The following TAX1BP1 variants were observed in gnomAD, a reference collection of about 807,000 sequenced individuals.
TAX1BP1 encodes the protein tax1-binding protein 1.
TAX1BP1 carries 62 observed loss-of-function variants against 97.7 expected under a neutral mutation model. The ratio of observed to expected loss-of-function variants is 0.63; its 90% confidence interval spans 0.52 to 0.78. The LOEUF is 0.78. Among genes scored for constraint, TAX1BP1 ranks in the 30% least tolerant of loss-of-function variants. TAX1BP1 has a pLI of 0.00. For synonymous variants in TAX1BP1, 340 were observed against 304.2 expected, an observed-to-expected ratio of 1.12 and a Z score of -1.23; for missense variants, 867 against 916.1, an observed-to-expected ratio of 0.95 and a Z score of 0.69.
rs777009021 is a variant in TAX1BP1 at position 27,794,476 on chromosome 7, G to T, written c.1534+30G>T. The T allele has an allele frequency of 8.3e-6, 13 of 1,568,682 alleles. No homozygotes were observed. The African/African-American group carries it at 1.4e-4, about 16-fold the overall frequency. On this transcript the variant is annotated intron_variant, in intron 11 of 16. Transcript: ENST00000396319. ...AAATCTTTTAGACTTTTTGTGTAGGGTGTCCTACATTGAAAAGTACTTATA... is the reference window on the plus strand; with the variant it reads ...AAATCTTTTAGACTTTTTGTGTAGGTTGTCCTACATTGAAAAGTACTTATA...
chr7:27,817,303 T>A (rs1038969040), intron 15 of TAX1BP1, among the ~76,000 whole-genome samples: 1 of 152,196 alleles, frequency 6.6e-6, no homozygotes, highest in South Asian at 2.1e-4. Flanking sequence ...TAGAGAATAA[T>A]CTCAGAATAT....
At chr7:27,782,545 G>C (rs560295516) in intron 5 of TAX1BP1, among the ~76,000 whole-genome samples, 1 of 151,930 alleles carries the variant, frequency 6.6e-6, no homozygotes, top group African/African-American at 2.4e-5. Context: ...CTGCCACACC[G>C]GCCAAATATT....
intron 15 of TAX1BP1, among the ~76,000 whole-genome samples, chr7:27,827,397 G>A (rs1212431623): frequency 1.3e-5 from 2 of 151,516 alleles, no homozygotes; most frequent in African/African-American, 4.8e-5. Context: ...TCTGCAGAAT[G>A]ATAAAGTCAG....
intron 13 of TAX1BP1, among the ~76,000 whole-genome samples, chr7:27,810,078 T>C (rs1476016426): frequency 1.3e-5 from 2 of 152,034 alleles, no homozygotes; most frequent in Admixed American, 6.5e-5. Flanking sequence ...TGGCTAATTT[T>C]TTATATTTTT....
intron 5 of TAX1BP1, among the ~76,000 whole-genome samples, chr7:27,770,499 C>T (rs1213717899): frequency 6.6e-6 from 1 of 152,112 alleles, no homozygotes; most frequent in East Asian, 1.9e-4. Context: ...AGACTGTGAT[C>T]TTATATATTA....
intron 2 of TAX1BP1, among the ~76,000 whole-genome samples, chr7:27,754,615 G>A (rs1035221715): frequency 3.3e-5 from 5 of 151,788 alleles, no homozygotes; most frequent in African/African-American, 9.7e-5. Context: ...CTCTATCGCC[G>A]AGGCTGGAGT....
At chr7:27,827,520 ACTG>A (rs1475239192) in intron 15 of TAX1BP1, among the ~76,000 whole-genome samples, 1 of 152,234 alleles carries the variant, frequency 6.6e-6, no homozygotes, top group Non-Finnish European at 1.5e-5. Flanking sequence ...TCCTCTGAAT[ACTG>A]CTTTTTATTT....
At chr7:27,788,391 T>A (rs1789572287) in intron 8 of TAX1BP1, among the ~76,000 whole-genome samples, 1 of 152,100 alleles carries the variant, frequency 6.6e-6, no homozygotes, top group African/African-American at 2.4e-5. Context: ...AAGCAATCTG[T>A]ATAAACACCC....
chr7:27,813,474 G>T (rs1347559395), intron 13 of TAX1BP1, among the ~76,000 whole-genome samples: 1 of 151,638 alleles, frequency 6.6e-6, no homozygotes, highest in Non-Finnish European at 1.5e-5. Context: ...CCCACCTCAG[G>T]TTTCTGAGCA....
chr7:27,788,657 C>T (rs1789582873), intron 8 of TAX1BP1, among the ~76,000 whole-genome samples: 1 of 151,896 alleles, frequency 6.6e-6, no homozygotes, highest in Non-Finnish European at 1.5e-5. Flanking sequence ...CTTTTTCATA[C>T]CCAAATTGTT....
intron 2 of TAX1BP1, among the ~76,000 whole-genome samples, chr7:27,751,590 C>A (rs1030462042): frequency 6.6e-6 from 1 of 152,040 alleles, no homozygotes; most frequent in Admixed American, 6.5e-5. Flanking sequence ...AAGGTAAGTT[C>A]TTGGAAGTAG....
At chr7:27,794,725 A>C (rs1251340294) in intron 11 of TAX1BP1, among the ~76,000 whole-genome samples, 1 of 152,182 alleles carries the variant, frequency 6.6e-6, no homozygotes, top group East Asian at 1.9e-4. Flanking sequence ...GTGAGTACTC[A>C]TTTGGGCTAC....
chr7:27,813,145 CTTTTTT>C (rs57301512), intron 13 of TAX1BP1, among the ~76,000 whole-genome samples: 16 of 108,936 alleles, frequency 1.5e-4, no homozygotes, highest in African/African-American at 4.1e-4. Context: ...CTTTGTTCTG[CTTTTTT>C]TTTTTTTTTT....
At position 27,828,732 on chromosome 7, in the gene TAX1BP1, C is replaced by T. The variant is rs1379832253; in HGVS notation, c.2273C>T (p.Pro758Leu). The change falls in exon 17 of 17, where the codon CCG becomes CTG. Residue 758 changes from proline to leucine, a missense_variant. Physicochemically the swap from Pro to Leu is moderately conservative, Grantham distance 98 (BLOSUM62 -3). Around this residue, in one of 3 missense-constraint regions of TAX1BP1, gnomAD observed 11 missense variants for 31.4 expected, o/e 0.35. Transcript: ENST00000396319. ...EHVESHWKVCPMCSEQFPPDY... is the reference protein window; with the variant it reads ...EHVESHWKVCLMCSEQFPPDY... The stretch of plus-strand genomic sequence containing the variant: ...GTTGAAAGTCACTGGAAGGTGTGCC[C>T]GATGTGCAGCGAGCAGTTCCCTCCT... 3 of 1,613,986 alleles carry T rather than the reference C, an allele frequency of 1.9e-6. No individual in the cohort carries two copies. Among genetic ancestry groups the T allele is most frequent in the Non-Finnish European group, 2.5e-6 (3 of 1,179,978 alleles).
At chr7:27,814,259 G>T (rs1050622991) in intron 13 of TAX1BP1, among the ~76,000 whole-genome samples, 2 of 152,184 alleles carry the variant, frequency 1.3e-5, no homozygotes, top group Admixed American at 1.3e-4. Flanking sequence ...TGCCTTTCTT[G>T]TTCTAAATAT....
In TAX1BP1 at chr7:27,829,559, G is replaced by T. The variant is rs1007803556; in HGVS notation, c.*730G>T. ...CCTATTAAATGATCTCATAACAGGG[G>T]TGTTTGTGGCATAAAAATCATAGAA... On this transcript the variant is annotated 3_prime_UTR_variant, in exon 17 of 17. Coordinates refer to ENST00000396319, the MANE Select transcript of TAX1BP1 (RefSeq NM_006024.7). 1 of 152,120 alleles carries T rather than the reference G, an allele frequency of 6.6e-6. No individual in the cohort carries two copies. 9.4% of individuals were successfully genotyped at this position (152,120 alleles called of 1,614,324 possible).
intron 11 of TAX1BP1, among the ~76,000 whole-genome samples, chr7:27,795,764 G>C (rs1329197865): frequency 1.3e-5 from 2 of 152,152 alleles, no homozygotes; most frequent in African/African-American, 4.8e-5. Flanking sequence ...GTGTTAGCCA[G>C]GATGGTCTCG....
chr7:27,822,161 C>A (rs1284326094), intron 15 of TAX1BP1, among the ~76,000 whole-genome samples: 1 of 152,148 alleles, frequency 6.6e-6, no homozygotes, highest in African/African-American at 2.4e-5. Flanking sequence ...TGAAGTATTA[C>A]AAAATCTGAG....
chr7:27,811,533 T>C (rs1034011462), intron 13 of TAX1BP1, among the ~76,000 whole-genome samples: 7 of 152,088 alleles, frequency 4.6e-5, no homozygotes, highest in Admixed American at 3.9e-4. Context: ...AGCTCAACTT[T>C]CCAGACTAAA....
Sources: gnomAD v4.1 joint callset for allele counts (sites outside exome capture counted in the v4.1 genomes callset) on GRCh38, gnomAD v4.1.1 for gene constraint, gnomAD v4.1.1 regional missense constraint, MANE v1.5 for transcripts, NCBI Gene and HGNC (gene_info 2026-07-23, HGNC 2026-07-21) for gene names.